The following KMT5B variants were observed in gnomAD, a reference collection of about 807,000 sequenced individuals.
KMT5B encodes the protein lysine methyltransferase 5B.
In KMT5B, 10 loss-of-function variants were observed where a neutral mutation model predicts 83.2. The observed-to-expected ratio is 0.12, with a 90% CI of 0.07 to 0.20. KMT5B has a LOEUF of 0.20. Ranked by LOEUF, KMT5B falls within the 10% of genes least tolerant of loss-of-function variation. The probability of loss-of-function intolerance (pLI) is 1.00; values close to 1 mark genes in which losing one functional copy is unlikely to be tolerated. For synonymous variants in KMT5B, 349 were observed against 388.8 expected, an observed-to-expected ratio of 0.90 and a Z score of 1.20; for missense variants, 753 against 1,067.2, an observed-to-expected ratio of 0.71 and a Z score of 4.10.
At position 68,171,766 on chromosome 11, in the gene KMT5B, C is replaced by A; in HGVS notation, c.654-57G>T. The A allele has an allele frequency of 1.5e-6, 2 of 1,327,108 alleles. No homozygotes were observed. Among genetic ancestry groups the A allele is most frequent in the South Asian group, 2.7e-5 (2 of 74,996 alleles). 82.2% of individuals were successfully genotyped at this position (1,327,108 alleles called of 1,614,324 possible). The stretch of plus-strand genomic sequence containing the variant: ...CTAGTAATTAAATATAGTAAGGCTT[C>A]TTTTAATAAAATAATCCTGACAATA... On this transcript the variant is annotated intron_variant, in intron 6 of 10. Transcript: ENST00000304363. This position sits in a 1 kb window ranked among gnomAD's most constrained non-coding sequence, Gnocchi z 5.1.
At chr11:68,177,920 A>G (rs1856534842) in intron 4 of KMT5B, among the ~76,000 whole-genome samples, 1 of 152,186 alleles carries the variant, frequency 6.6e-6, no homozygotes, top group Non-Finnish European at 1.5e-5. Flanking sequence ...TCCAATGGAA[A>G]CCATTCTTGC....
At chr11:68,180,071 C>T (rs1309506818) in intron 4 of KMT5B, 61 bp downstream of exon 4, 2 of 1,497,204 alleles carry the variant, frequency 1.3e-6, no homozygotes, top group African/African-American at 2.8e-5. Context: ...CATAAAAGAA[C>T]ATTTTAAAAG....
chr11:68,212,104 T>A (rs1860982958), intron 1 of KMT5B, among the ~76,000 whole-genome samples: 1 of 152,226 alleles, frequency 6.6e-6, no homozygotes, highest in African/African-American at 2.4e-5. Flanking sequence ...TAATTATCAA[T>A]ATTATAGGCG....
chr11:68,175,033 T>C lies in KMT5B; in HGVS notation c.528A>G (p.Lys176=), dbSNP rs1856221424. 6.2e-7 allele frequency: 1 copy of C among 1,613,872 alleles called. No homozygotes were observed. The highest frequency in any genetic ancestry group is 1.3e-5 in the African/African-American group (1 of 75,062). ...ATAAACTTACATGTTCTTTGAATAATTTCTCCTGCATTTTATTCTTGTTGA... is the reference window on the plus strand; with the variant it reads ...ATAAACTTACATGTTCTTTGAATAACTTCTCCTGCATTTTATTCTTGTTGA... ...YFLNKNKMQE[K]LFKEHVFIYL... is the part of the protein sequence containing the mutation. The change falls in exon 5 of 11, where the codon AAA becomes AAG. Residue 176 remains lysine (K), a synonymous_variant. Transcript: ENST00000304363.
chr11:68,174,253 G>A (rs1047887014), intron 5 of KMT5B: 16 of 373,294 alleles, frequency 4.3e-5, no homozygotes, highest in African/African-American at 2.1e-4. Context: ...AGATCATTAG[G>A]TAACAAACTT....
chr11:68,168,094 T>C (rs2153048459), intron 9 of KMT5B, among the ~76,000 whole-genome samples: 1 of 152,264 alleles, frequency 6.6e-6, no homozygotes, highest in Admixed American at 6.5e-5. Context: ...AAGAATTGCG[T>C]GAACCTGGAA....
chr11:68,206,327 A>T (rs962062068), intron 1 of KMT5B, among the ~76,000 whole-genome samples: 1 of 152,246 alleles, frequency 6.6e-6, no homozygotes, highest in African/African-American at 2.4e-5. Context: ...GTGTCAAATG[A>T]CTGTAAGTAC....
chr11:68,195,591 T>C (rs924734013), intron 1 of KMT5B, among the ~76,000 whole-genome samples: 1 of 152,216 alleles, frequency 6.6e-6, no homozygotes, highest in Non-Finnish European at 1.5e-5. Flanking sequence ...ATTATGTTAT[T>C]TTCCTCTGAA....
chr11:68,166,891 T>A, intron 10 of KMT5B, 91 bp downstream of exon 10: 2 of 1,538,934 alleles, frequency 1.3e-6, no homozygotes, highest in Non-Finnish European at 1.8e-6. Flanking sequence ...TCTGAGTATT[T>A]AAAAGTTTAA....
chr11:68,190,208 G>T lies in KMT5B; in HGVS notation c.-76-56C>A, dbSNP rs1857881551. On this transcript the variant is annotated intron_variant, in intron 1 of 10. Transcript: ENST00000304363. Reference sequence around the variant, plus strand: ...AAAATGGGGAGATAAATACATGAAAGATCATGCTAAACAGACCCTTGAGAA... The same window carrying T: ...AAAATGGGGAGATAAATACATGAAATATCATGCTAAACAGACCCTTGAGAA... 2.3e-5 allele frequency: 18 copies of T among 769,180 alleles called. No homozygotes were observed. The East Asian group carries it at 4.4e-4, about 19-fold the overall frequency. 47.6% of individuals were successfully genotyped at this position (769,180 alleles called of 1,614,324 possible).
chr11:68,165,215 G>C (rs1179898255), intron 10 of KMT5B, among the ~76,000 whole-genome samples: 1 of 152,074 alleles, frequency 6.6e-6, no homozygotes, highest in Admixed American at 6.6e-5. Context: ...AAAATCACAG[G>C]TCTCTGGCCG....
intron 3 of KMT5B, 86 bp from the exon 4 acceptor site, chr11:68,180,286 C>T (rs1196390928): frequency 4.0e-6 from 6 of 1,488,138 alleles, no homozygotes; most frequent in Non-Finnish European, 4.5e-6. Flanking sequence ...TTACAATATT[C>T]GTTGTTGCAA....
At position 68,196,767 on chromosome 11, in the gene KMT5B, C is replaced by T. The variant is rs77097424; in HGVS notation, c.-76-6615G>A. 7.1e-3 allele frequency among the ~76,000 whole-genome samples: 1,078 copies of T among 152,038 alleles called. 13 individuals carry two copies. The highest frequency in any genetic ancestry group is 0.025 in the African/African-American group (1,022 of 41,458). ...TCCTTGACCCTCCAGAGAAAAAGAA[C>T]CAGGACCAGGAAAAGTGCTTTTGGT... On this transcript the variant is annotated intron_variant, in intron 1 of 10. Coordinates refer to ENST00000304363, the MANE Select transcript of KMT5B (RefSeq NM_017635.5).
chr11:68,186,006 C>T (rs1857404563), intron 2 of KMT5B, 78 bp from the exon 3 acceptor site: 2 of 1,255,378 alleles, frequency 1.6e-6, no homozygotes, highest in Non-Finnish European at 2.2e-6. Context: ...AGCGGCATTG[C>T]CCATTCAAGC....
Position 68,158,737 on chromosome 11 carries a change from T to G in KMT5B, c.1609A>C (p.Ile537Leu). 6.2e-7 allele frequency: 1 copy of G among 1,614,164 alleles called. No homozygotes were observed. The highest frequency in any genetic ancestry group is 8.5e-7 in the Non-Finnish European group (1 of 1,180,034). Residue 537 changes from isoleucine to leucine, a missense_variant, in exon 11 of 11, where the codon ATA becomes CTA. By Grantham distance (5) the Ile-to-Leu change is conservative. This residue lies in a region of KMT5B where 397 missense variants were observed against 395.9 expected (regional missense o/e 1.00). Coordinates refer to ENST00000304363, the MANE Select transcript of KMT5B (RefSeq NM_017635.5). ...SQGESSPCTY[I>L]TRRSVRTRTN... is the part of the protein sequence containing the mutation. ...CTTGTCCTCACTGACCGCCGAGTTA[T>G]GTAGGTGCAGGGCGAGCTCTCCCCC...
chr11:68,184,258 G>C (rs998810146), intron 3 of KMT5B, among the ~76,000 whole-genome samples: 2 of 152,016 alleles, frequency 1.3e-5, no homozygotes, highest in Non-Finnish European at 2.9e-5. Flanking sequence ...TGTAATCCCA[G>C]CTACTTGGGA....
intron 10 of KMT5B, 30 bp from the exon 11 acceptor site, chr11:68,159,201 G>C: frequency 2.0e-6 from 3 of 1,524,604 alleles, no homozygotes; most frequent in Non-Finnish European, 2.6e-6. Flanking sequence ...AAGGTGAAAA[G>C]CCTTGGTAAC....
At chr11:68,200,248 G>T (rs1415516242) in intron 1 of KMT5B, among the ~76,000 whole-genome samples, 1 of 152,186 alleles carries the variant, frequency 6.6e-6, no homozygotes, top group East Asian at 1.9e-4. Context: ...AACATGTATA[G>T]GTCAAGAGGA....
At position 68,158,978 on chromosome 11, in the gene KMT5B, A is replaced by G; in HGVS notation, c.1368T>C (p.Asn456=). The G allele has an allele frequency of 6.2e-7, 1 of 1,611,698 alleles. No homozygotes were observed. The highest frequency in any genetic ancestry group is 8.5e-7 in the Non-Finnish European group (1 of 1,179,540). ...KPLLSKIKLR[N]HCKRLEQKNA... is the part of the protein sequence containing the mutation. ...TCTTTTGCTCCAGCCGCTTGCAATG[A>G]TTTCTCAATTTTATCTTTGAAAGTA... Residue 456 remains asparagine, a synonymous_variant, in exon 11 of 11, where the codon AAT becomes AAC. Transcript: ENST00000304363.
Sources: allele counts gnomAD v4.1 joint callset (sites outside exome capture counted in the v4.1 genomes callset), GRCh38; gene constraint gnomAD v4.1.1; regional missense constraint gnomAD v4.1.1; non-coding constraint Gnocchi (gnomAD v3.1); transcripts MANE v1.5; gene names NCBI Gene and HGNC (gene_info 2026-07-23, HGNC 2026-07-21).